The following ADCY3 variants were observed in gnomAD, a reference collection of about 807,000 sequenced individuals.
ADCY3 encodes adenylate cyclase 3.
ADCY3 carries 70 observed loss-of-function variants against 119.4 expected under a neutral mutation model. That is an observed-to-expected ratio of 0.59 (90% CI 0.48 to 0.72). The LOEUF (loss-of-function observed/expected upper bound fraction) is 0.72. Ranked by LOEUF, ADCY3 falls within the 30% of genes least tolerant of loss-of-function variation. The pLI, the probability that ADCY3 is intolerant of heterozygous loss-of-function variation, is 0.00. For missense variants in ADCY3, 1,238 were observed against 1,541.6 expected (o/e 0.80, Z 3.30); for synonymous variants, 672 against 621.4 (o/e 1.08, Z -1.21).
intron 2 of ADCY3, among the ~76,000 whole-genome samples, chr2:24,877,675 C>A (rs1383751649): frequency 6.6e-6 from 1 of 152,206 alleles, no homozygotes; most frequent in Non-Finnish European, 1.5e-5. Context: ...AGACACCACA[C>A]TGGGTGAGTG....
intron 2 of ADCY3, among the ~76,000 whole-genome samples, chr2:24,882,911 G>A (rs1676567622): frequency 6.6e-6 from 1 of 151,998 alleles, no homozygotes; most frequent in African/African-American, 2.4e-5. Flanking sequence ...ACAAAAATTA[G>A]CTGGGTATAT....
At chr2:24,843,324 C>T (rs1434899992) in intron 3 of ADCY3, among the ~76,000 whole-genome samples, 1 of 152,214 alleles carries the variant, frequency 6.6e-6, no homozygotes, top group Non-Finnish European at 1.5e-5. Context: ...CCTCAACGTC[C>T]TGGACTCAAG....
At chr2:24,850,876 C>T (rs1194051178) in intron 3 of ADCY3, among the ~76,000 whole-genome samples, 1 of 152,042 alleles carries the variant, frequency 6.6e-6, no homozygotes, top group African/African-American at 2.4e-5. Context: ...AAGAGCGGGA[C>T]AAAATTGTGT....
Position 24,827,543 on chromosome 2 carries a change from T to C in ADCY3, c.2495+3A>G. On this transcript the variant is annotated splice_donor_region_variant and intron_variant, in intron 15 of 21. Transcript: ENST00000679454. ...GGCCAGGAGGGGAAGCCGTGGCCCT[T>C]ACCTGTCAGTGCCATTGAGCCCAGG... is the stretch of plus-strand genomic sequence containing the variant. 1 of 1,583,066 alleles carries C rather than the reference T, an allele frequency of 6.3e-7. No homozygotes were observed. The highest frequency in any genetic ancestry group is 8.6e-7 in the Non-Finnish European group (1 of 1,161,514).
In ADCY3 at chr2:24,878,562, G is replaced by C. The variant is rs1373171816; in HGVS notation, c.676-5843C>G. Among the ~76,000 whole-genome samples the C allele has an allele frequency of 6.6e-6, 1 of 152,118 alleles. No homozygotes were observed. Among genetic ancestry groups the C allele is most frequent in the Non-Finnish European group, 1.5e-5 (1 of 68,006 alleles). On this transcript the variant is annotated intron_variant, in intron 2 of 21. Transcript: ENST00000679454. The surrounding 1 kb of genome is among the most constrained non-coding windows in gnomAD (Gnocchi z 4.0). ...AGACCTATGACGTTCTGCGGCTGGA[G>C]GCCAGCCGCACGGGAAACTCGTCAT...
Position 24,826,067 on chromosome 2 carries a change from C to G in ADCY3, c.2555G>C (p.Ser852Thr). The G allele has an allele frequency of 6.2e-7, 1 of 1,614,114 alleles. No individual in the cohort carries two copies. The highest frequency in any genetic ancestry group is 1.6e-4 in the Middle Eastern group (1 of 6,062). Residue 852 changes from serine (S) to threonine (T), a missense_variant, in exon 16 of 22, where the codon AGC becomes ACC. By Grantham distance (58) the Ser-to-Thr change is moderately conservative (BLOSUM62 1). Around this residue, in one of 7 missense-constraint regions of ADCY3, gnomAD observed 499 missense variants for 571.0 expected, o/e 0.87. Coordinates refer to ENST00000679454, the MANE Select transcript of ADCY3 (RefSeq NM_004036.5). ...CACGTGGCGGGAGAAGTAGTAGAAG[C>G]TGAGCATCATGAGGAACACCATCAC... The part of the protein sequence containing the change: ...MTVMVFLMML[S>T]FYYFSRHVEK...
chr2:24,831,515 T>C, intron 12 of ADCY3, 147 bp downstream of exon 12: 1 of 685,880 alleles, frequency 1.5e-6, no homozygotes, highest in East Asian at 2.7e-5. Flanking sequence ...GGTGAATGAA[T>C]GGATGGGCAA....
rs536718887 is a variant in ADCY3, at chr2:24,900,087, T to C, written c.675+18226A>G. On this transcript the variant is annotated intron_variant, in intron 2 of 21. Coordinates refer to ENST00000679454, the MANE Select transcript of ADCY3 (RefSeq NM_004036.5). The stretch of plus-strand genomic sequence containing the variant: ...ATACATTTGTTACTTTTATGTTAGA[T>C]TGAATCATATGAAATGAAGTTGCCT... 2.0e-5 allele frequency among the ~76,000 whole-genome samples: 3 copies of C among 151,886 alleles called. No individual in the cohort carries two copies. In the East Asian group the frequency reaches 5.9e-4, roughly 30 times the overall value.
chr2:24,856,486 C>A (rs189587583), intron 3 of ADCY3, among the ~76,000 whole-genome samples: 1 of 152,158 alleles, frequency 6.6e-6, no homozygotes, highest in Non-Finnish European at 1.5e-5. Context: ...TCACTGCACC[C>A]CACCAGGGCG....
At chr2:24,876,340 T>C (rs1435034058) in intron 2 of ADCY3, among the ~76,000 whole-genome samples, 1 of 152,186 alleles carries the variant, frequency 6.6e-6, no homozygotes, top group Non-Finnish European at 1.5e-5. Flanking sequence ...ACTAGCCCTA[T>C]AGCACTTAGG....
At chr2:24,873,207 C>T (rs1216829051) in intron 2 of ADCY3, among the ~76,000 whole-genome samples, 1 of 152,228 alleles carries the variant, frequency 6.6e-6, no homozygotes. Context: ...CCTAAAAGCT[C>T]AGATGGCTTG....
At position 24,820,007 on chromosome 2, in the gene ADCY3, C is replaced by G. The variant is rs750100505; in HGVS notation, c.3360G>C (p.Lys1120Asn). ...GGAAGGTGGCTAGCTTATCCCGCCC[C>G]TTCAAGAAGAAGGTCAGCAGCTCCC... ...GKGELLTFFL[K>N]GRDKLATFPN... is the part of the protein sequence containing the mutation. Residue 1120 changes from lysine (K) to asparagine (N), a missense_variant, in exon 22 of 22, where the codon AAG becomes AAC. Around this residue, in one of 7 missense-constraint regions of ADCY3, gnomAD observed 86 missense variants for 70.7 expected, o/e 1.22. Coordinates refer to ENST00000679454, the MANE Select transcript of ADCY3 (RefSeq NM_004036.5). 6.2e-7 allele frequency: 1 copy of G among 1,612,762 alleles called. No individual in the cohort carries two copies. The highest frequency in any genetic ancestry group is 2.2e-5 in the East Asian group (1 of 44,666).
chr2:24,827,629 C>G (rs1207727488), intron 14 of ADCY3, 21 bp from the exon 15 acceptor site: 10 of 1,572,874 alleles, frequency 6.4e-6, no homozygotes, highest in Non-Finnish European at 8.7e-6. Flanking sequence ...GATAACAGCA[C>G]AGTCAGGCCC....
chr2:24,821,047 A>AC (rs3214642), intron 20 of ADCY3, 199 bp from the exon 21 acceptor site: 11,201 of 530,660 alleles, frequency 0.021, 116 homozygotes, highest in African/African-American at 0.078. Context: ...GTCAGCCGCC[A>AC]CCCCCCCCCC....
intron 19 of ADCY3, 171 bp from the exon 20 acceptor site, chr2:24,821,811 T>G: frequency 2.1e-6 from 2 of 965,736 alleles, no homozygotes; most frequent in Non-Finnish European, 3.0e-6. Context: ...CTTGCCACTG[T>G]GACAAAGTTC....
intron 2 of ADCY3, among the ~76,000 whole-genome samples, chr2:24,915,211 G>A (rs781561699): frequency 4.6e-5 from 7 of 152,346 alleles, no homozygotes; most frequent in Middle Eastern, 3.4e-3. Context: ...GGGAAACTGC[G>A]TTCATCCCCC....
Position 24,824,453 on chromosome 2 carries a change from C to G in ADCY3, c.2661G>C (p.Trp887Cys). The change falls in exon 17 of 22, where the codon TGG (tryptophan) becomes TGC (cysteine). Residue 887 changes from tryptophan (W) to cysteine (C), a missense_variant. Physicochemically the swap from Trp to Cys is radical, Grantham distance 215. This residue lies in a region of ADCY3 where 499 missense variants were observed against 571.0 expected (regional missense o/e 0.87). Transcript: ENST00000679454. ...QKERVYEMRR[W>C]NEALVTNMLP... The stretch of plus-strand genomic sequence containing the variant: ...ACATGTTGGTGACCAAGGCCTCGTT[C>G]CAGCGTCGCATCTCATAGACACGTT... 1 of 1,614,242 alleles carries G rather than the reference C, an allele frequency of 6.2e-7. No individual in the cohort carries two copies. The highest frequency in any genetic ancestry group is 8.5e-7 in the Non-Finnish European group (1 of 1,180,040).
intron 3 of ADCY3, among the ~76,000 whole-genome samples, chr2:24,862,841 C>T (rs1673842097): frequency 6.6e-6 from 1 of 152,098 alleles, no homozygotes; most frequent in Non-Finnish European, 1.5e-5. Flanking sequence ...GTGGCCTCTT[C>T]TACTTTTCTA....
chr2:24,906,656 C>T (rs1679477724), intron 2 of ADCY3, among the ~76,000 whole-genome samples: 1 of 152,240 alleles, frequency 6.6e-6, no homozygotes, highest in African/African-American at 2.4e-5. Context: ...GCGCTTTGCT[C>T]AGATTCCCCT....
Sources: allele counts gnomAD v4.1 joint callset (sites outside exome capture counted in the v4.1 genomes callset), GRCh38; gene constraint gnomAD v4.1.1; regional missense constraint gnomAD v4.1.1; non-coding constraint Gnocchi (gnomAD v3.1); transcripts MANE v1.5; gene names NCBI Gene and HGNC (gene_info 2026-07-23, HGNC 2026-07-21).